NCOA2: variants seen among roughly 807,000 people sequenced by gnomAD.
NCOA2 encodes the protein nuclear receptor coactivator 2.
Under a neutral mutation model 145.1 loss-of-function variants are expected in NCOA2, and 21 were observed. The ratio of observed to expected loss-of-function variants is 0.14; its 90% CI spans 0.10 to 0.21. The LOEUF (loss-of-function observed/expected upper bound fraction) is 0.21. Ranked by LOEUF, NCOA2 falls within the 10% of genes least tolerant of loss-of-function variation. The pLI is 1.00. For synonymous variants in NCOA2, 619 were observed against 637.5 expected, an observed-to-expected ratio of 0.97 and a Z score of 0.44; for missense variants, 1,472 against 1,837.6, an observed-to-expected ratio of 0.80 and a Z score of 3.64.
chr8:70,247,978 C>T (rs1173143009), intron 2 of NCOA2, among the ~76,000 whole-genome samples: 1 of 152,224 alleles, frequency 6.6e-6, no homozygotes, highest in Non-Finnish European at 1.5e-5. Flanking sequence ...AATTGCCTAA[C>T]TCTCCTCCTG....
intron 2 of NCOA2, among the ~76,000 whole-genome samples, chr8:70,250,635 T>C (rs780130851): frequency 7.2e-5 from 11 of 152,178 alleles, no homozygotes; most frequent in Admixed American, 2.0e-4. Context: ...AAGTTTACTA[T>C]ACTATTCTAA....
intron 4 of NCOA2, among the ~76,000 whole-genome samples, chr8:70,212,338 T>C (rs1449484394): frequency 6.6e-6 from 1 of 152,130 alleles, no homozygotes; most frequent in Non-Finnish European, 1.5e-5. Context: ...AGATACAAAA[T>C]TGAGGTTTAA....
chr8:70,197,966 T>C (rs1222269057), intron 4 of NCOA2, among the ~76,000 whole-genome samples: 3 of 151,692 alleles, frequency 2.0e-5, no homozygotes, highest in Admixed American at 6.6e-5. Context: ...GCCCATTTAA[T>C]TTTTTTTTAT....
chr8:70,289,930 C>T (rs922266343), intron 2 of NCOA2, among the ~76,000 whole-genome samples: 4 of 152,064 alleles, frequency 2.6e-5, no homozygotes, highest in African/African-American at 7.2e-5. Flanking sequence ...AACTCTTGGG[C>T]TCAAGCAATC....
At chr8:70,292,587 A>G (rs1427118790) in intron 2 of NCOA2, among the ~76,000 whole-genome samples, 1 of 152,066 alleles carries the variant, frequency 6.6e-6, no homozygotes, top group Non-Finnish European at 1.5e-5. Context: ...ACCTAAACAC[A>G]ATGTAAAAAT....
chr8:70,273,601 T>G (rs1226944940), intron 2 of NCOA2: 1 of 746,484 alleles, frequency 1.3e-6, no homozygotes, highest in Non-Finnish European at 2.4e-6. Context: ...CCCAGACATC[T>G]CTGGCAGTGA....
chr8:70,126,663 A>C (rs951411878), intron 19 of NCOA2, 150 bp downstream of exon 19: 5 of 697,394 alleles, frequency 7.2e-6, no homozygotes, highest in Non-Finnish European at 1.3e-5. Context: ...ACAGGCCCCA[A>C]CTGTCCTCCC....
the NCOA2 span, among the ~76,000 whole-genome samples, chr8:70,420,519 C>T: frequency 2.0e-5 from 3 of 152,226 alleles, no homozygotes; most frequent in South Asian, 2.1e-4. Context: ...GAAAATAAAG[C>T]GAGGTCTCTA....
the NCOA2 span, among the ~76,000 whole-genome samples, chr8:70,455,049 A>C: frequency 6.6e-6 from 1 of 152,246 alleles, no homozygotes; most frequent in African/African-American, 2.4e-5. Context: ...CAGGCTCATG[A>C]AAGGATACTT....
At chr8:70,244,620 G>C (rs1190849508) in intron 2 of NCOA2, among the ~76,000 whole-genome samples, 1 of 151,844 alleles carries the variant, frequency 6.6e-6, no homozygotes, top group Admixed American at 6.6e-5. Context: ...AATTAGAAAA[G>C]GATAAAAAGT....
intron 2 of NCOA2, among the ~76,000 whole-genome samples, chr8:70,263,263 C>T (rs1377825780): frequency 2.7e-5 from 4 of 148,902 alleles, no homozygotes; most frequent in South Asian, 2.2e-4. Flanking sequence ...GGGAGGATTC[C>T]CCTCCTGGGC....
intron 1 of NCOA2, among the ~76,000 whole-genome samples, chr8:70,393,658 G>C (rs1016510430): frequency 1.3e-5 from 2 of 152,140 alleles, no homozygotes; most frequent in African/African-American, 4.8e-5. Flanking sequence ...GCCAGGCCAG[G>C]TGTGCCCAGG....
chr8:70,212,100 T>TATATATATATATATATATA (rs1563628128), intron 4 of NCOA2, among the ~76,000 whole-genome samples: 1 of 148,084 alleles, frequency 6.8e-6, no homozygotes, highest in African/African-American at 2.5e-5. Context: ...TATATATATA[T>TATATATATATATATATATA]TTGTTTTGAA....
intron 1 of NCOA2, among the ~76,000 whole-genome samples, chr8:70,331,765 T>C (rs1358980228): frequency 6.6e-6 from 1 of 152,174 alleles, no homozygotes; most frequent in Non-Finnish European, 1.5e-5. Context: ...AAATCTCATA[T>C]TCAGTGAAGG....
chr8:70,336,435 G>C (rs1055613092), intron 1 of NCOA2, among the ~76,000 whole-genome samples: 1 of 152,024 alleles, frequency 6.6e-6, no homozygotes, highest in Admixed American at 6.6e-5. Context: ...TTAATTATAT[G>C]TACGTATTAG....
chr8:70,217,059 A>C (rs556246269), intron 2 of NCOA2, among the ~76,000 whole-genome samples: 4 of 152,314 alleles, frequency 2.6e-5, no homozygotes, highest in South Asian at 4.1e-4. Flanking sequence ...ACTACAATCT[A>C]CCAGCTCTGG....
rs772791974 is a variant in NCOA2 at position 70,156,458 on chromosome 8, T to C, written c.1907A>G (p.Lys636Arg). 226 of 1,613,874 alleles carry C rather than the reference T, an allele frequency of 1.4e-4. No individual in the cohort carries two copies. The highest frequency in any genetic ancestry group is 1.9e-4 in the Non-Finnish European group (221 of 1,179,900). ...CAGCTGCAGGAGTTTGGTCTGCCCT[T>C]TGCTGTCATGCAGTCTGCTCTGCCC... The part of the protein sequence containing the change: ...ADGQSRLHDS[K>R]GQTKLLQLLT... The change falls in exon 11 of 23, where the codon AAA (lysine) becomes AGA (arginine). Residue 636 changes from lysine (K) to arginine (R), a missense_variant. This residue lies in a region of NCOA2 where 953 missense variants were observed against 1,062.1 expected (regional missense o/e 0.90). Coordinates refer to ENST00000452400, the MANE Select transcript of NCOA2 (RefSeq NM_006540.4).
At chr8:70,262,007 G>A (rs1400028894) in intron 2 of NCOA2, among the ~76,000 whole-genome samples, 1 of 151,812 alleles carries the variant, frequency 6.6e-6, no homozygotes, top group Non-Finnish European at 1.5e-5. Context: ...TGTAAAATAA[G>A]TTAAAAATTT....
chr8:70,403,861 C>T (rs1322705094), upstream of NCOA2: 5 of 387,648 alleles, frequency 1.3e-5, no homozygotes, highest in Non-Finnish European at 1.8e-5. Flanking sequence ...CCTCCTCCTC[C>T]TCCTCCTCCT....
Sources: allele counts gnomAD v4.1 joint callset (sites outside exome capture counted in the v4.1 genomes callset), GRCh38; gene constraint gnomAD v4.1.1; regional missense constraint gnomAD v4.1.1; transcripts MANE v1.5; gene names NCBI Gene and HGNC (gene_info 2026-07-23, HGNC 2026-07-21).